Variants in WDPCP observed in about 807,000 individuals in gnomAD.
The protein encoded by WDPCP is WD repeat-containing and planar cell polarity effector protein fritz homolog.
WDPCP carries 71 observed loss-of-function variants against 93.1 expected under a neutral mutation model. The observed-to-expected ratio is 0.76, with a 90% CI of 0.63 to 0.93. The LOEUF is 0.93. Among genes scored for constraint, WDPCP ranks in the 40% least tolerant of loss-of-function variants. The pLI is 0.00. For synonymous variants in WDPCP, 315 were observed against 315.0 expected, an observed-to-expected ratio of 1.00 and a Z score of 0.00; for missense variants, 844 against 887.4, an observed-to-expected ratio of 0.95 and a Z score of 0.62.
chr2:63,473,913 C>T (rs1699826950), intron 6 of WDPCP, among the ~76,000 whole-genome samples: 1 of 152,086 alleles, frequency 6.6e-6, no homozygotes, highest in African/African-American at 2.4e-5. Flanking sequence ...TGACTAAGGG[C>T]ATGAACTTTG....
At chr2:63,761,600 T>C (rs1042919624) in intron 2 of WDPCP, among the ~76,000 whole-genome samples, 1 of 152,164 alleles carries the variant, frequency 6.6e-6, no homozygotes, top group Non-Finnish European at 1.5e-5. Flanking sequence ...GAGTCTCATG[T>C]TCCAGGGCAG....
At chr2:63,647,447 A>G (rs1710065659) in intron 3 of WDPCP, among the ~76,000 whole-genome samples, 1 of 152,164 alleles carries the variant, frequency 6.6e-6, no homozygotes, top group Admixed American at 6.5e-5. Flanking sequence ...GCATTTTCAA[A>G]TAGCCTGTCT....
chr2:63,354,160 C>T (rs560500193), intron 12 of WDPCP, among the ~76,000 whole-genome samples: 7 of 152,134 alleles, frequency 4.6e-5, no homozygotes, highest in Admixed American at 1.3e-4. Context: ...GAGGCCAGTC[C>T]GTCTCCCACC....
chr2:63,281,027 A>G (rs1683499263), intron 13 of WDPCP, among the ~76,000 whole-genome samples: 1 of 152,198 alleles, frequency 6.6e-6, no homozygotes, highest in Non-Finnish European at 1.5e-5. Context: ...AGAAATAATC[A>G]GCAGAGTTAA....
At chr2:63,462,272 T>A (rs1699066965) in intron 6 of WDPCP, among the ~76,000 whole-genome samples, 1 of 152,136 alleles carries the variant, frequency 6.6e-6, no homozygotes, top group Non-Finnish European at 1.5e-5. Flanking sequence ...ACACTGCATA[T>A]TCTCACTCAT....
intron 14 of WDPCP, among the ~76,000 whole-genome samples, chr2:63,193,844 A>G (rs547238466): frequency 2.9e-4 from 44 of 152,290 alleles, no homozygotes; most frequent in African/African-American, 7.9e-4. Context: ...ATTCATAAGG[A>G]AAAAAGTTTA....
chr2:63,496,662 A>G (rs1701240942), intron 1 of WDPCP, among the ~76,000 whole-genome samples: 2 of 152,222 alleles, frequency 1.3e-5, no homozygotes, highest in African/African-American at 2.4e-5. Flanking sequence ...GAGGACTGAG[A>G]AAAATGTACA....
intron 6 of WDPCP, among the ~76,000 whole-genome samples, chr2:63,463,689 T>G (rs2105770809): frequency 6.6e-6 from 1 of 152,218 alleles, no homozygotes; most frequent in Middle Eastern, 3.4e-3. Context: ...AATCCTCACA[T>G]AAATGGTCAA....
chr2:63,669,066 G>A (rs1710316389), intron 2 of WDPCP, among the ~76,000 whole-genome samples: 2 of 152,120 alleles, frequency 1.3e-5, no homozygotes, highest in African/African-American at 2.4e-5. Context: ...AACTTCTGTC[G>A]AATGCTTAGG....
In WDPCP at chr2:63,531,453, A is replaced by C. The variant is rs568027219; in HGVS notation, c.76-38513T>G. On this transcript the variant is annotated intron_variant, in intron 1 of 17. Coordinates refer to ENST00000272321, the MANE Select transcript of WDPCP (RefSeq NM_015910.7). ...ACACCTCCCAGTAGGGCTGACAGAC[A>C]CCTCATACAGCTGGGTGCCCCTCTA... Among the ~76,000 whole-genome samples the C allele has an allele frequency of 2.0e-5, 3 of 152,222 alleles. No individual in the cohort carries two copies. The South Asian group carries it at 6.2e-4, about 32-fold the overall frequency.
At chr2:63,358,872 A>G (rs1220439533) in intron 12 of WDPCP, among the ~76,000 whole-genome samples, 4 of 152,188 alleles carry the variant, frequency 2.6e-5, no homozygotes. Flanking sequence ...AAATTTCTAT[A>G]CAGACTACCC....
chr2:63,369,574 C>T lies in WDPCP; in HGVS notation c.1748+8812G>A, dbSNP rs569068477. On this transcript the variant is annotated intron_variant, in intron 12 of 17. Coordinates refer to ENST00000272321, the MANE Select transcript of WDPCP (RefSeq NM_015910.7). ...ATTTGGGCAGAAAACACATTTTGTA[C>T]ATCCCAAATGAAAAAAATAACTAAT... 7.8e-4 allele frequency: 354 copies of T among 453,468 alleles called. 2 individuals carry two copies. The highest frequency in any genetic ancestry group is 1.3e-3 in the Non-Finnish European group (298 of 225,526). The allele number at this position is 453,468 out of a possible 1,614,324, so 28.1% of individuals were successfully genotyped here.
Position 63,492,875 on chromosome 2 carries a change from C to A in WDPCP, c.141G>T (p.Lys47Asn), listed in dbSNP as rs1297341497. The A allele has an allele frequency of 6.2e-7, 1 of 1,613,524 alleles. No individual in the cohort carries two copies. Among genetic ancestry groups the A allele is most frequent in the Non-Finnish European group, 8.5e-7 (1 of 1,179,830 alleles). ...ATTTACCCGCAATGTGTAAGGTATT[C>A]TTCAAAGACCACAGGTGCAGTTCAG... ...CLTELHLWSLKNTLHIADRDI... is the reference protein window; with the variant it reads ...CLTELHLWSLNNTLHIADRDI... Residue 47 changes from lysine to asparagine, a missense_variant, in exon 2 of 18, where the codon AAG becomes AAT. Lys to Asn is a moderately conservative substitution (Grantham distance 94). Coordinates refer to ENST00000272321, the MANE Select transcript of WDPCP (RefSeq NM_015910.7).
chr2:63,575,378 A>G (rs796190428), intron 1 of WDPCP, among the ~76,000 whole-genome samples: 4 of 126,642 alleles, frequency 3.2e-5, no homozygotes, highest in Admixed American at 1.7e-4. Context: ...CAGTATATAC[A>G]GTATATACAC....
At chr2:63,445,682 T>C (rs1387250116) in intron 6 of WDPCP, among the ~76,000 whole-genome samples, 1 of 151,970 alleles carries the variant, frequency 6.6e-6, no homozygotes, top group Admixed American at 6.6e-5. Flanking sequence ...GGCAAGGTGG[T>C]AAAGGGAGGC....
chr2:63,788,208 C>T (rs1010947415), intron 2 of WDPCP, among the ~76,000 whole-genome samples: 11 of 152,008 alleles, frequency 7.2e-5, no homozygotes, highest in Non-Finnish European at 1.0e-4. Flanking sequence ...GACACACGTA[C>T]AAACAAGTAG....
At chr2:63,594,373 T>C in intron 3 of WDPCP, 1 of 870,296 alleles carries the variant, frequency 1.1e-6, no homozygotes, top group Non-Finnish European at 2.0e-6. Context: ...CAAAAGGACT[T>C]TAAAATTTTA....
intron 9 of WDPCP, among the ~76,000 whole-genome samples, chr2:63,416,734 G>C (rs1414144856): frequency 6.6e-6 from 1 of 151,090 alleles, no homozygotes; most frequent in Non-Finnish European, 1.5e-5. Context: ...ATGTTTGCCA[G>C]GCTGGTCTCG....
At chr2:63,596,073 A>G (rs981546953) in intron 3 of WDPCP, among the ~76,000 whole-genome samples, 1 of 152,210 alleles carries the variant, frequency 6.6e-6, no homozygotes, top group African/African-American at 2.4e-5. Context: ...AGAAGAGCTC[A>G]GCTAAGGGCC....
Sources: gnomAD v4.1 joint callset for allele counts (sites outside exome capture counted in the v4.1 genomes callset) on GRCh38, gnomAD v4.1.1 for gene constraint, MANE v1.5 for transcripts, NCBI Gene and HGNC (gene_info 2026-07-23, HGNC 2026-07-21) for gene names.